STXBP5: variants seen among roughly 807,000 people sequenced by gnomAD.
STXBP5 encodes syntaxin binding protein 5.
Under a neutral mutation model 152.4 loss-of-function variants are expected in STXBP5, and 50 were observed. The observed-to-expected ratio is 0.33, with a 90% CI of 0.26 to 0.42. The LOEUF (loss-of-function observed/expected upper bound fraction) is 0.42. STXBP5 is among the 10% of genes least tolerant of loss of function. The pLI is 1.00. For synonymous variants in STXBP5, 492 were observed against 494.7 expected (o/e 0.99, Z 0.07); for missense variants, 1,167 against 1,388.6 (o/e 0.84, Z 2.54).
intron 4 of STXBP5, among the ~76,000 whole-genome samples, chr6:147,246,510 T>G (rs1778815660): frequency 6.6e-6 from 1 of 152,186 alleles, no homozygotes; most frequent in Non-Finnish European, 1.5e-5. Flanking sequence ...TTTCCCTTAA[T>G]GAAATTTTAT....
intron 9 of STXBP5, among the ~76,000 whole-genome samples, chr6:147,307,001 A>T (rs1782127725): frequency 6.6e-6 from 1 of 152,214 alleles, no homozygotes. Flanking sequence ...GTGAATGAAT[A>T]TGTAGTATTA....
At chr6:147,297,183 T>A (rs1781568536) in intron 9 of STXBP5, among the ~76,000 whole-genome samples, 1 of 152,096 alleles carries the variant, frequency 6.6e-6, no homozygotes. Flanking sequence ...CTGTCAGAAG[T>A]CAAAGAGAAT....
intron 4 of STXBP5, among the ~76,000 whole-genome samples, chr6:147,248,938 G>A (rs745512632): frequency 1.3e-5 from 2 of 152,104 alleles, no homozygotes; most frequent in Admixed American, 6.5e-5. Context: ...TGCTGGCTTC[G>A]AAGATGGAGG....
intron 21 of STXBP5, among the ~76,000 whole-genome samples, chr6:147,350,126 G>A (rs1784522154): frequency 6.6e-6 from 1 of 152,098 alleles, no homozygotes; most frequent in East Asian, 1.9e-4. Context: ...GTCATTTTGT[G>A]TGTGATTTTA....
intron 4 of STXBP5, among the ~76,000 whole-genome samples, chr6:147,243,958 A>G (rs914635296): frequency 2.0e-5 from 3 of 152,144 alleles, no homozygotes; most frequent in African/African-American, 4.8e-5. Flanking sequence ...AGATAGATCA[A>G]TTAATCTATT....
rs542651412 is a variant in STXBP5 at position 147,318,268 on chromosome 6, C to T, written c.1802+1861C>T. Among the ~76,000 whole-genome samples the T allele has an allele frequency of 3.3e-5, 5 of 152,272 alleles. No individual in the cohort carries two copies. The East Asian group carries it at 9.6e-4, about 29-fold the overall frequency. On this transcript the variant is annotated intron_variant, in intron 16 of 27. Coordinates refer to ENST00000321680, the MANE Select transcript of STXBP5 (RefSeq NM_001127715.4). ...TGGACCAGAGTGACAAGACCTCTTA[C>T]CTTGGCTTTCTAGGTTAAAGTTAAA...
chr6:147,342,283 C>G (rs1784127628), intron 21 of STXBP5, among the ~76,000 whole-genome samples: 1 of 152,118 alleles, frequency 6.6e-6, no homozygotes, highest in African/African-American at 2.4e-5. Context: ...AGACTAGACT[C>G]AAAGGAAGGA....
At chr6:147,307,941 G>A (rs562927980) in intron 9 of STXBP5, among the ~76,000 whole-genome samples, 18 of 152,226 alleles carry the variant, frequency 1.2e-4, no homozygotes, top group African/African-American at 4.1e-4. Context: ...CTCCCTGGGT[G>A]CTTTGTGGAC....
At chr6:147,301,571 C>G (rs973565325) in intron 9 of STXBP5, among the ~76,000 whole-genome samples, 3 of 152,134 alleles carry the variant, frequency 2.0e-5, no homozygotes, top group African/African-American at 7.2e-5. Flanking sequence ...TTATCACTGT[C>G]TTCAGAAATA....
chr6:147,350,724 T>C (rs770744176), intron 21 of STXBP5, among the ~76,000 whole-genome samples: 12 of 152,190 alleles, frequency 7.9e-5, no homozygotes, highest in Non-Finnish European at 1.8e-4. Flanking sequence ...CTCATCTGTA[T>C]AGTGTTTTAC....
chr6:147,266,981 T>C, intron 6 of STXBP5, 103 bp from the exon 7 acceptor site: 1 of 940,386 alleles, frequency 1.1e-6, no homozygotes, highest in South Asian at 1.4e-5. Context: ...TATACATTTA[T>C]ACTCAACGCA....
chr6:147,300,972 A>G (rs994225608), intron 9 of STXBP5, among the ~76,000 whole-genome samples: 1 of 152,072 alleles, frequency 6.6e-6, no homozygotes, highest in South Asian at 2.1e-4. Flanking sequence ...AAAAAATCTG[A>G]TAAAAATTGG....
rs1198995317 is a variant in STXBP5 at position 147,303,446 on chromosome 6, CAATT to C, written c.918-6635_918-6632del. ...TCCCCAGCCATGCTGAACTGTGAGT[CAATT>C]AAACCTCTTTTCTTTGTGAATTACT... On this transcript the variant is annotated intron_variant, in intron 9 of 27. Coordinates refer to ENST00000321680, the MANE Select transcript of STXBP5 (RefSeq NM_001127715.4). Among the ~76,000 whole-genome samples, 3 of 152,148 alleles carry C rather than the reference CAATT, an allele frequency of 2.0e-5. No individual in the cohort carries two copies. The East Asian group carries it at 5.8e-4, about 29-fold the overall frequency.
intron 7 of STXBP5, among the ~76,000 whole-genome samples, chr6:147,271,777 G>A (rs1780183697): frequency 6.6e-6 from 1 of 151,952 alleles, no homozygotes; most frequent in African/African-American, 2.4e-5. Context: ...AAATAATAAA[G>A]AGCCGAAATC....
rs1016729926 is a variant in STXBP5 at position 147,304,036 on chromosome 6, T to C, written c.918-6048T>C. On this transcript the variant is annotated intron_variant, in intron 9 of 27. Transcript: ENST00000321680. ...GATGTTCTAGAAAAGAAAAACCCAT[T>C]TTCTGGGAAGAAATTCAAACCTGCT... 5.3e-5 allele frequency among the ~76,000 whole-genome samples: 8 copies of C among 152,184 alleles called. 1 individual carries two copies. Among genetic ancestry groups the C allele is most frequent in the Admixed American group, 1.3e-4 (2 of 15,276 alleles).
chr6:147,234,148 C>T (rs1051245033), intron 2 of STXBP5, among the ~76,000 whole-genome samples: 1 of 151,640 alleles, frequency 6.6e-6, no homozygotes, highest in Non-Finnish European at 1.5e-5. Flanking sequence ...CAGACCATAC[C>T]TGAATGTGAA....
chr6:147,273,348 A>C (rs984183423), intron 7 of STXBP5, among the ~76,000 whole-genome samples: 5 of 152,200 alleles, frequency 3.3e-5, no homozygotes, highest in Admixed American at 2.0e-4. Context: ...CTGGTGACAG[A>C]GCAAGACCCT....
Position 147,314,279 on chromosome 6 carries a change from G to A in STXBP5, c.1309G>A (p.Gly437Arg), listed in dbSNP as rs758390856. ...TTTTTTATAGGAATGGCCCATCAAC[G>A]GAGGTAATTGGGGCTTGGGTGCTCA... ...GYSKKEWPINGGNWGLGAQSY... is the reference protein window; with the variant it reads ...GYSKKEWPINRGNWGLGAQSY... Residue 437 changes from glycine to arginine, a missense_variant, in exon 13 of 28, where the codon GGA (glycine) becomes AGA (arginine). Gly to Arg is a moderately radical substitution (Grantham distance 125, BLOSUM62 -2). Coordinates refer to ENST00000321680, the MANE Select transcript of STXBP5 (RefSeq NM_001127715.4). 7 of 1,611,858 alleles carry A rather than the reference G, an allele frequency of 4.3e-6. No individual in the cohort carries two copies. The highest frequency in any genetic ancestry group is 1.1e-5 in the South Asian group (1 of 91,046).
chr6:147,339,105 A>T, intron 19 of STXBP5, 74 bp from the exon 20 acceptor site: 1 of 1,275,328 alleles, frequency 7.8e-7, no homozygotes, highest in Non-Finnish European at 1.1e-6. Context: ...TTTTATTTGT[A>T]CATTTTTCTT....
Sources: allele counts gnomAD v4.1 joint callset (sites outside exome capture counted in the v4.1 genomes callset), GRCh38; gene constraint gnomAD v4.1.1; transcripts MANE v1.5; gene names NCBI Gene and HGNC (gene_info 2026-07-23, HGNC 2026-07-21).